Variants in TENM3 observed in about 807,000 individuals in gnomAD.
TENM3 encodes the protein teneurin transmembrane protein 3, also known as teneurin-3.
In TENM3, 63 loss-of-function variants were observed where a neutral mutation model predicts 255.1. That is an observed-to-expected ratio of 0.25 (90% CI 0.20 to 0.30). The LOEUF is 0.30. Ranked by LOEUF, TENM3 falls within the 10% of genes least tolerant of loss-of-function variation. The pLI is 1.00. For missense variants in TENM3, 2,929 were observed against 3,461.1 expected, an observed-to-expected ratio of 0.85 and a Z score of 3.86; for synonymous variants, 1,306 against 1,322.3, an observed-to-expected ratio of 0.99 and a Z score of 0.27.
intron 3 of TENM3, among the ~76,000 whole-genome samples, chr4:182,553,051 A>G (rs945167691): frequency 6.6e-6 from 1 of 152,134 alleles, no homozygotes; most frequent in African/African-American, 2.4e-5. Context: ...TCTCGTAAAT[A>G]TATCGTAATT....
At chr4:182,195,567 G>A (rs1753790563) in intron 1 of TENM3, among the ~76,000 whole-genome samples, 1 of 152,080 alleles carries the variant, frequency 6.6e-6, no homozygotes. Flanking sequence ...TTGAGCTGGG[G>A]AGGTCAAGGC....
the TENM3 span, among the ~76,000 whole-genome samples, chr4:181,507,853 C>CT: frequency 7.3e-5 from 11 of 150,648 alleles, no homozygotes; most frequent in Non-Finnish European, 1.3e-4. Flanking sequence ...TCGCCTCTCT[C>CT]TTTTTTTCTG....
chr4:182,651,134 A>C (rs529009819), intron 5 of TENM3, among the ~76,000 whole-genome samples: 1 of 152,062 alleles, frequency 6.6e-6, no homozygotes, highest in African/African-American at 2.4e-5. Flanking sequence ...TTTTGTGTGG[A>C]AACTTTGACC....
chr4:182,134,150 T>C, the TENM3 span, among the ~76,000 whole-genome samples: 1 of 152,326 alleles, frequency 6.6e-6, no homozygotes, highest in Middle Eastern at 3.4e-3. Flanking sequence ...CTCTTTATTA[T>C]CAACATTATT....
intron 4 of TENM3, among the ~76,000 whole-genome samples, chr4:182,613,672 G>T (rs952021675): frequency 1.3e-5 from 2 of 152,134 alleles, no homozygotes; most frequent in African/African-American, 4.8e-5. Context: ...CCAATTTTCA[G>T]AGCTTGGTTA....
intron 2 of TENM3, among the ~76,000 whole-genome samples, chr4:182,335,219 C>T (rs551296021): frequency 2.6e-5 from 4 of 151,296 alleles, no homozygotes; most frequent in African/African-American, 9.7e-5. Flanking sequence ...GACAAAGCGG[C>T]CGGGCGCGGT....
chr4:181,830,642 C>T, the TENM3 span, among the ~76,000 whole-genome samples: 1 of 145,904 alleles, frequency 6.9e-6, no homozygotes, highest in Admixed American at 6.7e-5. Context: ...GAAATAACAT[C>T]CCTCAGAGTA....
chr4:181,448,104 A>G, the TENM3 span, among the ~76,000 whole-genome samples: 1 of 151,518 alleles, frequency 6.6e-6, no homozygotes, highest in Non-Finnish European at 1.5e-5. Context: ...CATCAGTTAA[A>G]AATAGCTGTT....
At chr4:182,786,738 A>G (rs562623704) in intron 24 of TENM3, among the ~76,000 whole-genome samples, 1 of 152,174 alleles carries the variant, frequency 6.6e-6, no homozygotes, top group East Asian at 1.9e-4. Flanking sequence ...ATTAAAATGA[A>G]TGCCAAGGAA....
the TENM3 span, among the ~76,000 whole-genome samples, chr4:181,735,571 G>T: frequency 1.3e-5 from 2 of 151,988 alleles, no homozygotes; most frequent in Non-Finnish European, 2.9e-5. Context: ...TATACAATAA[G>T]ATATCTCAGC....
the TENM3 span, among the ~76,000 whole-genome samples, chr4:181,734,304 T>C: frequency 1.5e-3 from 222 of 152,160 alleles, 1 homozygote; most frequent in Non-Finnish European, 2.4e-3. Context: ...CTCATCTGTT[T>C]TGCTCATTTT....
chr4:181,690,796 G>A, the TENM3 span, among the ~76,000 whole-genome samples: 1 of 152,110 alleles, frequency 6.6e-6, no homozygotes, highest in Non-Finnish European at 1.5e-5. Context: ...ACAGTTATAG[G>A]TATAAATGAT....
At chr4:181,482,077 G>GA in the TENM3 span, among the ~76,000 whole-genome samples, 17 of 151,936 alleles carry the variant, frequency 1.1e-4, no homozygotes, top group Non-Finnish European at 1.8e-4. Context: ...CACATTATAG[G>GA]AAAAAGTTGT....
chr4:182,346,068 T>C lies in TENM3; in HGVS notation c.233-583T>C, dbSNP rs865911287. On this transcript the variant is annotated intron_variant, in intron 2 of 27. Transcript: ENST00000511685. ...TACACCCACCCCACACACACACATA[T>C]ATACATACATACATACATACATACA... Among the ~76,000 whole-genome samples, 490 of 149,376 alleles carry C rather than the reference T, an allele frequency of 3.3e-3. 2 individuals are homozygous for C. Among genetic ancestry groups the C allele is most frequent in the African/African-American group, 0.012 (473 of 40,626 alleles).
intron 3 of TENM3, among the ~76,000 whole-genome samples, chr4:182,539,315 G>A (rs1385766078): frequency 6.6e-6 from 1 of 151,870 alleles, no homozygotes; most frequent in East Asian, 2.0e-4. Context: ...AAATAAAAAT[G>A]CTCTGCTTGA....
At chr4:182,493,827 T>C (rs1052399571) in intron 3 of TENM3, among the ~76,000 whole-genome samples, 1 of 152,162 alleles carries the variant, frequency 6.6e-6, no homozygotes, top group African/African-American at 2.4e-5. Context: ...TGACAATTAT[T>C]AAAAAGAAAT....
chr4:181,956,702 G>A, the TENM3 span, among the ~76,000 whole-genome samples: 2 of 152,154 alleles, frequency 1.3e-5, no homozygotes, highest in South Asian at 2.1e-4. Context: ...GATTCCCAAG[G>A]CTAAAAATTT....
Position 182,789,425 on chromosome 4 carries a change from G to T in TENM3, c.5601+36G>T. 1.3e-6 allele frequency: 2 copies of T among 1,571,416 alleles called. No individual in the cohort carries two copies. The highest frequency in any genetic ancestry group is 1.2e-5 in the South Asian group (1 of 85,658). On this transcript the variant is annotated intron_variant, in intron 25 of 27. Transcript: ENST00000511685. The surrounding 1 kb of genome is among the most constrained non-coding windows in gnomAD (Gnocchi z 4.4). The stretch of plus-strand genomic sequence containing the variant: ...AAACTAAGCTCAACAATAGGGAAAG[G>T]ATAATTCACATTTTTCAGCAATCAT...
chr4:181,516,206 G>T, the TENM3 span, among the ~76,000 whole-genome samples: 1 of 151,974 alleles, frequency 6.6e-6, no homozygotes, highest in East Asian at 1.9e-4. Flanking sequence ...GGCCTGTTGG[G>T]GGTTGGGGTC....
Sources: allele counts gnomAD v4.1 joint callset (sites outside exome capture counted in the v4.1 genomes callset), GRCh38; gene constraint gnomAD v4.1.1; non-coding constraint Gnocchi (gnomAD v3.1); transcripts MANE v1.5; gene names NCBI Gene and HGNC (gene_info 2026-07-23, HGNC 2026-07-21).